SHANK2: variants seen among roughly 807,000 people sequenced by gnomAD.
SHANK2 encodes the protein SH3 and multiple ankyrin repeat domains 2.
A neutral mutation model predicts 133.7 loss-of-function variants in SHANK2; 43 were observed. The ratio of observed to expected loss-of-function variants is 0.32; its 90% CI spans 0.25 to 0.41. The LOEUF is 0.41. Ranked by LOEUF, SHANK2 falls within the 10% of genes least tolerant of loss-of-function variation. The probability of loss-of-function intolerance (pLI) is 1.00; values close to 1 mark genes in which losing one functional copy is unlikely to be tolerated. For missense variants in SHANK2, 1,994 were observed against 2,235.8 expected, an observed-to-expected ratio of 0.89 and a Z score of 2.18; for synonymous variants, 1,017 against 952.8, an observed-to-expected ratio of 1.07 and a Z score of -1.24.
At chr11:70,933,459 T>G (rs1950528645) in intron 10 of SHANK2, among the ~76,000 whole-genome samples, 1 of 152,228 alleles carries the variant, frequency 6.6e-6, no homozygotes, top group East Asian at 1.9e-4. Context: ...ACCCCATGAA[T>G]GCACTTAATG....
At chr11:70,509,266 A>T (rs915780598) in intron 17 of SHANK2, among the ~76,000 whole-genome samples, 12 of 152,338 alleles carry the variant, frequency 7.9e-5, no homozygotes, top group African/African-American at 2.6e-4. Flanking sequence ...CTGCCCCTGC[A>T]GCACCAGCTG....
intron 1 of SHANK2, among the ~76,000 whole-genome samples, chr11:71,238,140 T>C (rs1471995906): frequency 6.6e-6 from 1 of 152,198 alleles, no homozygotes; most frequent in Non-Finnish European, 1.5e-5. Flanking sequence ...CCCTGAACCC[T>C]ACGCACTCAT....
At chr11:71,182,531 G>A (rs978443116) in intron 2 of SHANK2, among the ~76,000 whole-genome samples, 4 of 152,134 alleles carry the variant, frequency 2.6e-5, no homozygotes, top group African/African-American at 4.8e-5. Context: ...GGCCTCAGGC[G>A]TTCCTTGGCT....
chr11:70,903,094 C>A (rs983001025), intron 10 of SHANK2, among the ~76,000 whole-genome samples: 7 of 152,042 alleles, frequency 4.6e-5, no homozygotes, highest in Admixed American at 4.6e-4. Flanking sequence ...TTAAGTTAGC[C>A]GGCTGGACTC....
chr11:70,935,885 C>A (rs1330488354), intron 10 of SHANK2, among the ~76,000 whole-genome samples: 1 of 152,188 alleles, frequency 6.6e-6, no homozygotes, highest in Non-Finnish European at 1.5e-5. Flanking sequence ...CAAAGGTGAA[C>A]CATTCCAGGT....
At chr11:71,199,754 C>T (rs1555116771) in intron 2 of SHANK2, among the ~76,000 whole-genome samples, 2 of 152,194 alleles carry the variant, frequency 1.3e-5, no homozygotes, top group African/African-American at 4.8e-5. Context: ...CATAGGGAAT[C>T]CTAATCCCCT....
At chr11:70,686,380 T>C (rs914650322) in intron 15 of SHANK2, among the ~76,000 whole-genome samples, 10 of 148,344 alleles carry the variant, frequency 6.7e-5, no homozygotes, top group African/African-American at 7.7e-5. Flanking sequence ...CATCTATTCA[T>C]CCATCCATCC....
intron 17 of SHANK2, among the ~76,000 whole-genome samples, chr11:70,592,927 T>C (rs2060344952): frequency 6.6e-6 from 1 of 152,164 alleles, no homozygotes; most frequent in Admixed American, 6.5e-5. Flanking sequence ...CCCCCAGGCC[T>C]GTCACCTACG....
intron 11 of SHANK2, among the ~76,000 whole-genome samples, chr11:70,851,206 GA>G (rs1949082181): frequency 6.6e-6 from 1 of 150,518 alleles, no homozygotes. Flanking sequence ...CTTTCCTTCA[GA>G]AAAGATCTTC....
chr11:71,128,533 G>A (rs1218523942), intron 3 of SHANK2, among the ~76,000 whole-genome samples: 1 of 152,158 alleles, frequency 6.6e-6, no homozygotes, highest in East Asian at 1.9e-4. Flanking sequence ...CCAGCCTTGC[G>A]ATGATGTACA....
intron 11 of SHANK2, among the ~76,000 whole-genome samples, chr11:70,841,725 G>A (rs78344725): frequency 0.082 from 12,540 of 152,174 alleles, 572 homozygotes; most frequent in Middle Eastern, 0.18. Flanking sequence ...TCTCCAGCCC[G>A]CAAAGCCAGG....
At chr11:70,724,554 G>A (rs910649545) in intron 14 of SHANK2, among the ~76,000 whole-genome samples, 6 of 152,140 alleles carry the variant, frequency 3.9e-5, no homozygotes, top group Admixed American at 1.3e-4. Flanking sequence ...CTCCTCCTTT[G>A]ATCTCATCAA....
intron 11 of SHANK2, among the ~76,000 whole-genome samples, chr11:70,881,350 A>T (rs1590791969): frequency 6.6e-6 from 1 of 152,066 alleles, no homozygotes; most frequent in Non-Finnish European, 1.5e-5. Context: ...CCTGGCCAAG[A>T]GTCTTTCTAC....
Position 71,196,683 on chromosome 11 carries a change from C to T in SHANK2, c.-13+28014G>A, listed in dbSNP as rs1157361846. Among the ~76,000 whole-genome samples, 4 of 151,996 alleles carry T rather than the reference C, an allele frequency of 2.6e-5. No individual in the cohort carries two copies. In the East Asian group the frequency reaches 7.8e-4, roughly 30 times the overall value. On this transcript the variant is annotated intron_variant, in intron 2 of 25. Coordinates refer to ENST00000601538, the MANE Select transcript of SHANK2 (RefSeq NM_012309.5). ...AACAAACCAGGGGTCTCCCTGCATG[C>T]CCTCCCCCGCATGGCTCACAAAGAC...
At chr11:70,925,264 G>A (rs1419809758) in intron 10 of SHANK2, among the ~76,000 whole-genome samples, 2 of 152,076 alleles carry the variant, frequency 1.3e-5, no homozygotes, top group East Asian at 3.9e-4. Flanking sequence ...ATATTTCAAC[G>A]ATACCCTGCT....
chr11:70,555,116 C>T (rs185749872), intron 17 of SHANK2, among the ~76,000 whole-genome samples: 295 of 152,212 alleles, frequency 1.9e-3, no homozygotes, highest in South Asian at 5.2e-3. Flanking sequence ...CCGTAAAACA[C>T]ACTCAAATAA....
chr11:70,519,508 G>A (rs11236510), intron 17 of SHANK2, among the ~76,000 whole-genome samples: 19,578 of 152,028 alleles, frequency 0.13, 1,428 homozygotes, highest in East Asian at 0.34. Context: ...TTAGCTCGAC[G>A]TGGTAGTGCA....
At chr11:70,846,677 G>A (rs781929492) in intron 11 of SHANK2, among the ~76,000 whole-genome samples, 1 of 152,226 alleles carries the variant, frequency 6.6e-6, no homozygotes, top group Non-Finnish European at 1.5e-5. Context: ...TCTCAGCACA[G>A]AAGGCAGCGT....
intron 17 of SHANK2, among the ~76,000 whole-genome samples, chr11:70,581,492 A>AC (rs1554985451): frequency 6.6e-6 from 1 of 152,044 alleles, no homozygotes; most frequent in East Asian, 1.9e-4. Flanking sequence ...GGAGTTTGAG[A>AC]CCAGTCTGGC....
Sources: gnomAD v4.1 joint callset for allele counts (sites outside exome capture counted in the v4.1 genomes callset) on GRCh38, gnomAD v4.1.1 for gene constraint, MANE v1.5 for transcripts, NCBI Gene and HGNC (gene_info 2026-07-23, HGNC 2026-07-21) for gene names.